The following UIMC1 variants were observed in gnomAD, a reference collection of about 807,000 sequenced individuals.
UIMC1 encodes BRCA1-A complex subunit RAP80.
UIMC1 carries 42 observed loss-of-function variants against 84.9 expected under a neutral mutation model. That is an observed-to-expected ratio of 0.49 (90% CI 0.39 to 0.64). The LOEUF (loss-of-function observed/expected upper bound fraction) is 0.64. Among genes scored for constraint, UIMC1 ranks in the 30% least tolerant of loss-of-function variants. The pLI is 0.00. For synonymous variants in UIMC1, 281 were observed against 293.0 expected (o/e 0.96, Z 0.42); for missense variants, 825 against 847.6 (o/e 0.97, Z 0.33).
intron 1 of UIMC1, among the ~76,000 whole-genome samples, chr5:177,000,988 C>T (rs1441101737): frequency 2.6e-5 from 4 of 151,960 alleles, no homozygotes; most frequent in Non-Finnish European, 5.9e-5. Context: ...GTTTCCTTTG[C>T]TGTGCAGAAG....
At chr5:177,007,539 A>G (rs538482064), upstream of UIMC1, among the ~76,000 whole-genome samples, 1 of 152,346 alleles carries the variant, frequency 6.6e-6, no homozygotes, top group South Asian at 2.1e-4. Context: ...AAGGAATCCT[A>G]TATGTGTCAA....
chr5:177,009,739 T>C (rs1268555024), upstream of UIMC1, among the ~76,000 whole-genome samples: 1 of 151,796 alleles, frequency 6.6e-6, no homozygotes, highest in Non-Finnish European at 1.5e-5. This position sits in a 1 kb window ranked among gnomAD's most constrained non-coding sequence, Gnocchi z 4.3. Context: ...TTGTCTCTAC[T>C]AAAAATAAAA....
chr5:176,937,353 A>G (rs1763833672), intron 10 of UIMC1, among the ~76,000 whole-genome samples: 1 of 151,996 alleles, frequency 6.6e-6, no homozygotes, highest in Non-Finnish European at 1.5e-5. Context: ...AAATTAGCCG[A>G]GCGTGGTAGC....
intron 10 of UIMC1, among the ~76,000 whole-genome samples, chr5:176,932,288 C>G (rs1171824462): frequency 6.6e-6 from 1 of 152,182 alleles, no homozygotes; most frequent in Non-Finnish European, 1.5e-5. Context: ...CCTTAAATGT[C>G]TTTGCATTTT....
chr5:176,977,308 T>C (rs904995197), intron 2 of UIMC1, among the ~76,000 whole-genome samples: 1 of 150,430 alleles, frequency 6.6e-6, no homozygotes, highest in African/African-American at 2.4e-5. Flanking sequence ...CTCAAAATAT[T>C]TGTAGAATAG....
chr5:176,991,278 G>A (rs1772801998), intron 1 of UIMC1, among the ~76,000 whole-genome samples: 1 of 151,844 alleles, frequency 6.6e-6, no homozygotes, highest in Non-Finnish European at 1.5e-5. Flanking sequence ...CAAAGTGCTG[G>A]GATTACAGAC....
At chr5:176,986,538 CAAAAAAA>C (rs34922824) in intron 1 of UIMC1, among the ~76,000 whole-genome samples, 1 of 79,408 alleles carries the variant, frequency 1.3e-5, no homozygotes, top group African/African-American at 5.9e-5. Flanking sequence ...ACCCTGTCTC[CAAAAAAA>C]AAAAAAAAAA....
chr5:176,937,954 G>A (rs1458985352), intron 10 of UIMC1, among the ~76,000 whole-genome samples: 2 of 152,062 alleles, frequency 1.3e-5, no homozygotes, highest in African/African-American at 4.8e-5. Context: ...ACTTTGGGAG[G>A]CCAACGCAGG....
intron 1 of UIMC1, among the ~76,000 whole-genome samples, chr5:176,988,812 C>T (rs1772399156): frequency 6.6e-6 from 1 of 151,504 alleles, no homozygotes; most frequent in African/African-American, 2.4e-5. Context: ...GCCTCCCAAG[C>T]AGCTGGGGCT....
At chr5:176,958,195 G>A in intron 6 of UIMC1, 41 bp from the exon 7 acceptor site, 3 of 1,542,074 alleles carry the variant, frequency 1.9e-6, no homozygotes, top group Non-Finnish European at 2.7e-6. Flanking sequence ...ACAGGCACAG[G>A]TGAACTGGCT....
At chr5:176,954,581 AT>A (rs746152783) in intron 8 of UIMC1, among the ~76,000 whole-genome samples, 3 of 151,788 alleles carry the variant, frequency 2.0e-5, no homozygotes, top group Non-Finnish European at 2.9e-5. Flanking sequence ...CTAAAAAAAA[AT>A]AATAATAATA....
At chr5:177,000,337 T>C (rs779112480) in intron 1 of UIMC1, among the ~76,000 whole-genome samples, 1 of 152,072 alleles carries the variant, frequency 6.6e-6, no homozygotes, top group African/African-American at 2.4e-5. Context: ...TGTACAAGGG[T>C]TCCCTTTACC....
chr5:176,909,850 A>G (rs1158843032), intron 11 of UIMC1, among the ~76,000 whole-genome samples: 2 of 152,218 alleles, frequency 1.3e-5, no homozygotes, highest in Non-Finnish European at 2.9e-5. Context: ...TCAGAGTTGG[A>G]CAGACTTTAT....
At chr5:176,956,432 A>G (rs1304614070) in intron 7 of UIMC1, among the ~76,000 whole-genome samples, 1 of 152,232 alleles carries the variant, frequency 6.6e-6, no homozygotes, top group Non-Finnish European at 1.5e-5. Flanking sequence ...AAGAGAAGAC[A>G]CAGAGATTCT....
intron 1 of UIMC1, among the ~76,000 whole-genome samples, chr5:177,002,775 G>T (rs1301339613): frequency 6.6e-6 from 1 of 152,076 alleles, no homozygotes; most frequent in African/African-American, 2.4e-5. Context: ...TCCAGCTCAG[G>T]ACAGAACGAG....
intron 8 of UIMC1, among the ~76,000 whole-genome samples, chr5:176,952,838 A>G (rs554575094): frequency 2.6e-5 from 4 of 152,268 alleles, no homozygotes; most frequent in African/African-American, 9.6e-5. Flanking sequence ...CTGTAGACAC[A>G]TATCACTTAA....
In UIMC1 at chr5:176,975,448, C is replaced by T. The variant is rs1426281152; in HGVS notation, c.180G>A (p.Thr60=). 6 of 1,613,890 alleles carry T rather than the reference C, an allele frequency of 3.7e-6. No homozygotes were observed. Among genetic ancestry groups the T allele is most frequent in the Admixed American group, 1.7e-5 (1 of 59,972 alleles). ...TTGCTCTATTCGACTGTTTTGTCTT[C>T]GTTTTCTGCAACCCATTTTCCTCCT... is the stretch of plus-strand genomic sequence containing the variant. ...EPKEENGLQK[T]KTKQSNRAKC... The change falls in exon 3 of 15, where the codon ACG becomes ACA. Residue 60 remains threonine (T), a synonymous_variant. Coordinates refer to ENST00000511320, the MANE Select transcript of UIMC1 (RefSeq NM_001199298.2).
intron 10 of UIMC1, among the ~76,000 whole-genome samples, chr5:176,942,904 C>T (rs10037528): frequency 0.099 from 14,867 of 149,584 alleles, 1,517 homozygotes; most frequent in African/African-American, 0.26. Context: ...AAAAAAAGTA[C>T]AAAAAAAATT....
At chr5:176,999,345 T>C (rs1329189878) in intron 1 of UIMC1, among the ~76,000 whole-genome samples, 1 of 152,192 alleles carries the variant, frequency 6.6e-6, no homozygotes, top group African/African-American at 2.4e-5. Flanking sequence ...AGGTACACAA[T>C]ATGTAATAGT....
Sources: allele counts gnomAD v4.1 joint callset (sites outside exome capture counted in the v4.1 genomes callset), GRCh38; gene constraint gnomAD v4.1.1; non-coding constraint Gnocchi (gnomAD v3.1); transcripts MANE v1.5; gene names NCBI Gene and HGNC (gene_info 2026-07-23, HGNC 2026-07-21).